The following CCDC50 variants were observed in gnomAD, a reference collection of about 807,000 sequenced individuals.
The protein encoded by CCDC50 is coiled-coil domain containing 50.
In CCDC50, 54 loss-of-function variants were observed where a neutral mutation model predicts 70.2. The observed-to-expected ratio is 0.77, with a 90% CI of 0.62 to 0.96. The LOEUF (loss-of-function observed/expected upper bound fraction) is 0.96. Ranked by LOEUF, CCDC50 falls within the 50% of genes least tolerant of loss-of-function variation. The pLI is 0.00. For synonymous variants in CCDC50, 216 were observed against 198.8 expected, an observed-to-expected ratio of 1.09 and a Z score of -0.73; for missense variants, 558 against 578.7, an observed-to-expected ratio of 0.96 and a Z score of 0.37.
At chr3:191,380,304 T>C in intron 7 of CCDC50, 30 bp downstream of exon 7, 1 of 1,347,916 alleles carries the variant, frequency 7.4e-7, no homozygotes, top group South Asian at 1.2e-5. Flanking sequence ...AAAGTTTAGA[T>C]ATATTGATGG....
chr3:191,354,894 ATTACT>A (rs2108646583), intron 1 of CCDC50, among the ~76,000 whole-genome samples: 1 of 152,312 alleles, frequency 6.6e-6, no homozygotes, highest in African/African-American at 2.4e-5. Flanking sequence ...TTGTCTGTAG[ATTACT>A]TATACTACCT....
intron 6 of CCDC50, among the ~76,000 whole-genome samples, chr3:191,378,066 G>A (rs1713178820): frequency 6.6e-6 from 1 of 152,086 alleles, no homozygotes; most frequent in Non-Finnish European, 1.5e-5. Flanking sequence ...TGGGTCCAGA[G>A]GACACTGCAG....
At chr3:191,380,128 T>C (rs754683295) in intron 6 of CCDC50, 31 bp from the exon 7 acceptor site, 3 of 1,321,052 alleles carry the variant, frequency 2.3e-6, no homozygotes, top group Non-Finnish European at 3.2e-6. Flanking sequence ...TCGGTTGTTT[T>C]ATTACATTGA....
chr3:191,387,630 A>G (rs1442594706), intron 10 of CCDC50, among the ~76,000 whole-genome samples: 4 of 151,372 alleles, frequency 2.6e-5, no homozygotes, highest in Non-Finnish European at 5.9e-5. Flanking sequence ...CTTAAGAAGT[A>G]CTCTTAAGAG....
chr3:191,372,885 G>A (rs573612882), intron 5 of CCDC50, among the ~76,000 whole-genome samples: 6 of 152,082 alleles, frequency 3.9e-5, no homozygotes, highest in Non-Finnish European at 5.9e-5. Flanking sequence ...ATGAAGTTAC[G>A]TACTAAATAA....
At position 191,375,392 on chromosome 3, in the gene CCDC50, A is replaced by C; in HGVS notation, c.779A>C (p.His260Pro). ...GATGACTGGGAGACTAAGATTAACC[A>C]TCAGACTCGAAATTGGGAAAAACAG... is the stretch of plus-strand genomic sequence containing the variant. ...ECDDWETKIN[H>P]QTRNWEKQSR... The change falls in exon 6 of 12, where the codon CAT becomes CCT. Residue 260 changes from histidine to proline, a missense_variant. Physicochemically the swap from His to Pro is moderately conservative, Grantham distance 77. Transcript: ENST00000392455. 1 of 1,613,788 alleles carries C rather than the reference A, an allele frequency of 6.2e-7. No homozygotes were observed. Among genetic ancestry groups the C allele is most frequent in the Non-Finnish European group, 8.5e-7 (1 of 1,179,848 alleles).
intron 1 of CCDC50, among the ~76,000 whole-genome samples, chr3:191,332,297 A>G (rs1299132488): frequency 6.6e-6 from 1 of 152,218 alleles, no homozygotes; most frequent in East Asian, 1.9e-4. Flanking sequence ...TTTTGAAAAA[A>G]CACACACACA....
intron 10 of CCDC50, among the ~76,000 whole-genome samples, chr3:191,388,331 C>T (rs1418561693): frequency 6.6e-6 from 1 of 152,144 alleles, no homozygotes; most frequent in Non-Finnish European, 1.5e-5. Flanking sequence ...GTTAAGAACA[C>T]TGGTTTTGAA....
chr3:191,359,398 C>G (rs1399901433), intron 3 of CCDC50, among the ~76,000 whole-genome samples: 1 of 151,976 alleles, frequency 6.6e-6, no homozygotes, highest in Non-Finnish European at 1.5e-5. Flanking sequence ...GGAAGTGAGG[C>G]CAGGAAAGTA....
Position 191,375,577 on chromosome 3 carries a change from CT to C in CCDC50, c.965del (p.Leu322ProfsTer6). On this transcript the variant is annotated frameshift_variant, in exon 6 of 12. Coordinates refer to ENST00000392455, the MANE Select transcript of CCDC50 (RefSeq NM_178335.3). LOFTEE classifies it high-confidence loss of function. ...CTCAGAGAGTGAGGAGCAGCTCCAC[CT>C]CCATGACGCAGGTAATAGAGGACAG... Reference protein sequence around the residue: ...PFSESEEQLHLHDAGMKPRVM... With the variant: ...PFSESEEQLHXHDAGMKPRVM... The C allele has an allele frequency of 6.2e-7, 1 of 1,613,028 alleles. No individual in the cohort carries two copies. The highest frequency in any genetic ancestry group is 8.5e-7 in the Non-Finnish European group (1 of 1,179,588).
intron 10 of CCDC50, among the ~76,000 whole-genome samples, chr3:191,386,757 ATACTTC>A (rs1419874686): frequency 6.6e-6 from 1 of 152,196 alleles, no homozygotes; most frequent in African/African-American, 2.4e-5. Flanking sequence ...ATACTTAGGA[ATACTTC>A]TAACCAAGGA....
intron 1 of CCDC50, among the ~76,000 whole-genome samples, chr3:191,352,674 C>CA (rs1339423870): frequency 2.1e-5 from 3 of 141,518 alleles, no homozygotes; most frequent in African/African-American, 7.6e-5. Flanking sequence ...ACTAGGAAAC[C>CA]AAAAAATCGT....
At chr3:191,389,469 C>T (rs775348874) in intron 10 of CCDC50, 27 bp from the exon 11 acceptor site, 1 of 1,557,322 alleles carries the variant, frequency 6.4e-7, no homozygotes, top group South Asian at 1.1e-5. Context: ...ACTTAGAATG[C>T]CCCTTTAAAT....
chr3:191,374,805 C>A (rs766671099), intron 5 of CCDC50, among the ~76,000 whole-genome samples: 1 of 152,096 alleles, frequency 6.6e-6, no homozygotes, highest in Non-Finnish European at 1.5e-5. Context: ...TCTACCTAAT[C>A]GTGATCAAGC....
chr3:191,339,054 C>A (rs1711618482), intron 1 of CCDC50, among the ~76,000 whole-genome samples: 1 of 152,048 alleles, frequency 6.6e-6, no homozygotes, highest in Non-Finnish European at 1.5e-5. Context: ...TTAAACAAGT[C>A]AAACATAGCA....
At chr3:191,330,347 CAG>C (rs923803366) in intron 1 of CCDC50, 5 of 152,484 alleles carry the variant, frequency 3.3e-5, no homozygotes, top group Admixed American at 2.6e-4. Flanking sequence ...GCGAGGGGAA[CAG>C]GGGACTGATG....
chr3:191,376,366 A>C (rs1191540140), intron 6 of CCDC50, among the ~76,000 whole-genome samples: 2 of 152,128 alleles, frequency 1.3e-5, no homozygotes, highest in African/African-American at 4.8e-5. Flanking sequence ...AATGAGGTAA[A>C]TATTATAGAT....
chr3:191,344,098 C>T (rs1348848039), intron 1 of CCDC50, among the ~76,000 whole-genome samples: 1 of 152,168 alleles, frequency 6.6e-6, no homozygotes, highest in Non-Finnish European at 1.5e-5. Context: ...ACTCAAGACC[C>T]TTGGATGTCT....
intron 3 of CCDC50, among the ~76,000 whole-genome samples, chr3:191,360,659 G>A (rs1712454583): frequency 6.6e-6 from 1 of 152,206 alleles, no homozygotes; most frequent in African/African-American, 2.4e-5. Flanking sequence ...GACCTGTAAT[G>A]TGAAGTTACT....
Sources: allele counts gnomAD v4.1 joint callset (sites outside exome capture counted in the v4.1 genomes callset), GRCh38; gene constraint gnomAD v4.1.1; transcripts MANE v1.5; gene names NCBI Gene and HGNC (gene_info 2026-07-23, HGNC 2026-07-21).